Variants in LDB2 observed in about 807,000 individuals in gnomAD.
LDB2 encodes LIM domain-binding protein 2.
In LDB2, 12 loss-of-function variants were observed where a neutral mutation model predicts 44.3. The ratio of observed to expected loss-of-function variants is 0.27; its 90% CI spans 0.17 to 0.44. LDB2 has a LOEUF of 0.44. Ranked by LOEUF, LDB2 falls within the 20% of genes least tolerant of loss-of-function variation. LDB2 has a pLI of 1.00. For missense variants in LDB2, 344 were observed against 473.5 expected (o/e 0.73, Z 2.54); for synonymous variants, 164 against 174.8 (o/e 0.94, Z 0.49).
intron 2 of LDB2, among the ~76,000 whole-genome samples, chr4:16,687,534 T>C (rs1749559198): frequency 1.3e-5 from 2 of 152,116 alleles, no homozygotes; most frequent in Admixed American, 1.3e-4. Flanking sequence ...GAAACTAAGA[T>C]AAGGATCATA....
intron 1 of LDB2, among the ~76,000 whole-genome samples, chr4:16,875,683 C>T (rs1718156409): frequency 6.6e-6 from 1 of 152,132 alleles, no homozygotes; most frequent in African/African-American, 2.4e-5. Context: ...GACTCAGAGC[C>T]CTCCACCAGA....
At chr4:16,585,407 G>A (rs369708765) in intron 5 of LDB2, among the ~76,000 whole-genome samples, 45 of 152,280 alleles carry the variant, frequency 3.0e-4, no homozygotes, top group African/African-American at 9.4e-4. Context: ...GCTGTAGAGA[G>A]GAAGAATCTC....
intron 1 of LDB2, among the ~76,000 whole-genome samples, chr4:16,788,022 T>C (rs948466173): frequency 6.6e-6 from 1 of 152,152 alleles, no homozygotes; most frequent in African/African-American, 2.4e-5. Context: ...TTGGGGTGCA[T>C]GTGCCTGGCC....
In LDB2 at chr4:16,565,689, G is replaced by A. The variant is rs556908210; in HGVS notation, c.615+20233C>T. On this transcript the variant is annotated intron_variant, in intron 5 of 7. Coordinates refer to ENST00000304523, the MANE Select transcript of LDB2 (RefSeq NM_001290.5). Reference sequence around the variant, plus strand: ...AGATATAAAAATTTTAAAAGACTTAGTAAAATCATTGTTATTTGAAAATGA... The same window carrying A: ...AGATATAAAAATTTTAAAAGACTTAATAAAATCATTGTTATTTGAAAATGA... Among the ~76,000 whole-genome samples, 443 of 151,906 alleles carry A rather than the reference G, an allele frequency of 2.9e-3. 2 individuals carry two copies. Among genetic ancestry groups the A allele is most frequent in the Non-Finnish European group, 5.4e-3 (369 of 67,882 alleles).
rs200562430 is a variant in LDB2 at position 16,883,021 on chromosome 4, A to G, written c.132+15333T>C. Among the ~76,000 whole-genome samples, 7 of 152,102 alleles carry G rather than the reference A, an allele frequency of 4.6e-5. No individual in the cohort carries two copies. The East Asian group carries it at 9.7e-4, about 21-fold the overall frequency. On this transcript the variant is annotated intron_variant, in intron 1 of 7. Transcript: ENST00000304523. ...TTTCGAGCTTATTTTATGAGGACGGAAAAAAAACAACCATCGAGCCTTCCT... is the reference window on the plus strand; with the variant it reads ...TTTCGAGCTTATTTTATGAGGACGGGAAAAAAACAACCATCGAGCCTTCCT...
intron 2 of LDB2, among the ~76,000 whole-genome samples, chr4:16,644,137 G>A (rs113820631): frequency 2.0e-5 from 3 of 152,184 alleles, no homozygotes; most frequent in Non-Finnish European, 4.4e-5. Flanking sequence ...TGGTACTCCC[G>A]TTTGAAGAAG....
chr4:16,697,200 G>A lies in LDB2; in HGVS notation c.235+61958C>T, dbSNP rs149262744. On this transcript the variant is annotated intron_variant, in intron 2 of 7. Coordinates refer to ENST00000304523, the MANE Select transcript of LDB2 (RefSeq NM_001290.5). ...AGCACTTCAGGAGGCTGAGGCGGGCGGATCACGAGATCAGGAGATCGAGAC... is the reference window on the plus strand; with the variant it reads ...AGCACTTCAGGAGGCTGAGGCGGGCAGATCACGAGATCAGGAGATCGAGAC... Among the ~76,000 whole-genome samples, 950 of 151,656 alleles carry A rather than the reference G, an allele frequency of 6.3e-3. 6 individuals carry two copies. Among genetic ancestry groups the A allele is most frequent in the Middle Eastern group, 0.014 (4 of 292 alleles).
Position 16,563,429 on chromosome 4 carries a change from A to ATTTTTTTTTTTT in LDB2, c.615+22481_615+22492dup, listed in dbSNP as rs1169491759. Among the ~76,000 whole-genome samples, 7 of 46,576 alleles carry ATTTTTTTTTTTT rather than the reference A, an allele frequency of 1.5e-4. 2 individuals are homozygous for ATTTTTTTTTTTT. Among genetic ancestry groups the ATTTTTTTTTTTT allele is most frequent in the African/African-American group, 4.3e-4 (5 of 11,520 alleles). The allele number at this position is 46,576 out of a possible 152,430, so 30.6% of individuals were successfully genotyped here. ...TCAAAACCATCTCATCAGTCATCAG[A>ATTTTTTTTTTTT]TTTTTTTTTTTTTTTTTTTTTTTTT... On this transcript the variant is annotated intron_variant, in intron 5 of 7. Transcript: ENST00000304523.
chr4:16,604,577 G>A (rs1050995744), intron 2 of LDB2, among the ~76,000 whole-genome samples: 1 of 150,684 alleles, frequency 6.6e-6, no homozygotes, highest in African/African-American at 2.4e-5. Context: ...TTTAAATAAT[G>A]AGGGAAGTAG....
At chr4:16,818,490 A>G (rs1781350062) in intron 1 of LDB2, among the ~76,000 whole-genome samples, 1 of 152,164 alleles carries the variant, frequency 6.6e-6, no homozygotes, top group Admixed American at 6.5e-5. Flanking sequence ...GTCAAAATAC[A>G]ATATTTTGAA....
intron 2 of LDB2, among the ~76,000 whole-genome samples, chr4:16,619,796 G>GT (rs386399372): frequency 0.025 from 3,331 of 135,898 alleles, 66 homozygotes; most frequent in Middle Eastern, 0.049. Context: ...GGATATCTCT[G>GT]TTTTTTTTTT....
At chr4:16,796,271 T>C (rs921918987) in intron 1 of LDB2, among the ~76,000 whole-genome samples, 1 of 152,124 alleles carries the variant, frequency 6.6e-6, no homozygotes, top group Admixed American at 6.5e-5. Context: ...GGCAACAAAG[T>C]GAGCACTCTG....
At chr4:16,681,079 A>G (rs959479700) in intron 2 of LDB2, among the ~76,000 whole-genome samples, 5 of 152,244 alleles carry the variant, frequency 3.3e-5, no homozygotes, top group Admixed American at 3.3e-4. Context: ...TGAAATCCCA[A>G]ATCAGCAGTC....
chr4:16,723,854 A>G (rs1031973635), intron 2 of LDB2, among the ~76,000 whole-genome samples: 1 of 151,554 alleles, frequency 6.6e-6, no homozygotes, highest in South Asian at 2.1e-4. Context: ...AAGAATCAAC[A>G]CCCTCCACTC....
chr4:16,791,190 A>T (rs1349561849), intron 1 of LDB2, among the ~76,000 whole-genome samples: 1 of 152,184 alleles, frequency 6.6e-6, no homozygotes, highest in Non-Finnish European at 1.5e-5. Context: ...CTTAGTTTTC[A>T]TATTTGTTGT....
chr4:16,532,177 G>C (rs1285394270), intron 5 of LDB2, among the ~76,000 whole-genome samples: 1 of 152,048 alleles, frequency 6.6e-6, no homozygotes, highest in East Asian at 1.9e-4. Flanking sequence ...AAAAAAGTAA[G>C]GTTTTCAGGA....
chr4:16,848,294 A>G (rs1037380494), intron 1 of LDB2, among the ~76,000 whole-genome samples: 14 of 152,254 alleles, frequency 9.2e-5, no homozygotes, highest in Admixed American at 1.3e-4. Flanking sequence ...GAAAAGCTCA[A>G]TTTGGAGAAG....
chr4:16,840,083 C>G (rs747736428), intron 1 of LDB2, among the ~76,000 whole-genome samples: 16 of 152,162 alleles, frequency 1.1e-4, no homozygotes, highest in Non-Finnish European at 1.9e-4. Context: ...CCTGTTTTAA[C>G]TTTCCCAACA....
At chr4:16,659,356 G>C (rs1740813824) in intron 2 of LDB2, among the ~76,000 whole-genome samples, 1 of 152,006 alleles carries the variant, frequency 6.6e-6, no homozygotes, top group Non-Finnish European at 1.5e-5. Context: ...AACTTTCTTG[G>C]CATGGCCTCA....
Sources: gnomAD v4.1 joint callset for allele counts (sites outside exome capture counted in the v4.1 genomes callset) on GRCh38, gnomAD v4.1.1 for gene constraint, MANE v1.5 for transcripts, NCBI Gene and HGNC (gene_info 2026-07-23, HGNC 2026-07-21) for gene names.